UBE2F: variants seen among roughly 807,000 people sequenced by gnomAD.
UBE2F encodes ubiquitin conjugating enzyme E2 F (putative), also known as NEDD8-conjugating enzyme UBE2F.
UBE2F carries 5 observed loss-of-function variants against 29.6 expected under a neutral mutation model. That is an observed-to-expected ratio of 0.17 (90% CI 0.09 to 0.36). The LOEUF (loss-of-function observed/expected upper bound fraction) is 0.36. Ranked by LOEUF, UBE2F falls within the 10% of genes least tolerant of loss-of-function variation. The pLI is 1.00. For synonymous variants in UBE2F, 66 were observed against 81.8 expected, an observed-to-expected ratio of 0.81 and a Z score of 1.04; for missense variants, 141 against 228.5, an observed-to-expected ratio of 0.62 and a Z score of 2.47.
chr2:237,983,828 A>G (rs1334045215), intron 2 of UBE2F, among the ~76,000 whole-genome samples: 1 of 151,956 alleles, frequency 6.6e-6, no homozygotes, highest in African/African-American at 2.4e-5. Context: ...CTGAATCACC[A>G]CATCCCCGAT....
At chr2:237,970,801 G>A (rs1195771766) in intron 1 of UBE2F, among the ~76,000 whole-genome samples, 4 of 152,274 alleles carry the variant, frequency 2.6e-5, no homozygotes, top group East Asian at 3.9e-4. Context: ...TCCACCTCCC[G>A]GGTTCAACCT....
chr2:238,032,992 T>C (rs78955303), intron 8 of UBE2F, among the ~76,000 whole-genome samples: 5,282 of 152,232 alleles, frequency 0.035, 287 homozygotes, highest in East Asian at 0.2. Context: ...CTGGTTCCAC[T>C]TCCCTTAGCC....
intron 7 of UBE2F, 31 bp downstream of exon 7, chr2:238,030,644 G>T (rs746640221): frequency 6.3e-7 from 1 of 1,586,084 alleles, no homozygotes; most frequent in African/African-American, 1.3e-5. Context: ...TTGATCATAA[G>T]TTGTCCCTGT....
At chr2:238,017,891 A>G (rs1265135733) in intron 5 of UBE2F, among the ~76,000 whole-genome samples, 1 of 151,962 alleles carries the variant, frequency 6.6e-6, no homozygotes, top group Non-Finnish European at 1.5e-5. Context: ...TTGCCCCCCA[A>G]CCCCAGCCAC....
chr2:238,000,939 ATCT>A (rs974287448), intron 4 of UBE2F, among the ~76,000 whole-genome samples: 8 of 151,554 alleles, frequency 5.3e-5, no homozygotes, highest in Non-Finnish European at 1.2e-4. Context: ...CTACCTGTAT[ATCT>A]TCTTTGTTCA....
chr2:238,000,452 A>G (rs2063770531), intron 4 of UBE2F, among the ~76,000 whole-genome samples: 1 of 152,192 alleles, frequency 6.6e-6, no homozygotes, highest in South Asian at 2.1e-4. Context: ...TCTTTTACTT[A>G]ACGTAATGTT....
chr2:238,024,760 T>G (rs908453911), intron 5 of UBE2F, among the ~76,000 whole-genome samples: 4 of 152,232 alleles, frequency 2.6e-5, no homozygotes, highest in African/African-American at 9.6e-5. Flanking sequence ...ATATACTTTA[T>G]CCCCACAAAT....
intron 9 of UBE2F, among the ~76,000 whole-genome samples, chr2:238,038,351 T>A (rs1352347711): frequency 1.3e-5 from 2 of 152,182 alleles, no homozygotes; most frequent in African/African-American, 4.8e-5. Flanking sequence ...ATGGGGGCAA[T>A]CAGTCCCCGA....
intron 9 of UBE2F, 91 bp downstream of exon 9, chr2:238,036,031 C>A: frequency 1.7e-6 from 2 of 1,194,542 alleles, no homozygotes; most frequent in Non-Finnish European, 1.2e-6. Context: ...GAAATTTATC[C>A]ACCAAGAGAG....
intron 2 of UBE2F, 80 bp downstream of exon 2, chr2:237,973,305 C>A: frequency 6.9e-7 from 1 of 1,441,774 alleles, no homozygotes; most frequent in Non-Finnish European, 9.6e-7. Flanking sequence ...GGATATAAAG[C>A]AACCTACTGC....
At chr2:237,978,279 A>G (rs971251660) in intron 2 of UBE2F, among the ~76,000 whole-genome samples, 1 of 152,218 alleles carries the variant, frequency 6.6e-6, no homozygotes, top group Non-Finnish European at 1.5e-5. Flanking sequence ...GTGCTGCTGC[A>G]TCACAGCGCC....
intron 9 of UBE2F, among the ~76,000 whole-genome samples, chr2:238,039,288 C>T (rs2064788902): frequency 6.6e-6 from 1 of 152,146 alleles, no homozygotes; most frequent in Non-Finnish European, 1.5e-5. Flanking sequence ...TGAACAAACA[C>T]AGCATGTGAG....
chr2:237,993,911 C>T (rs1333785850), intron 3 of UBE2F, among the ~76,000 whole-genome samples: 13 of 152,118 alleles, frequency 8.5e-5, no homozygotes. Flanking sequence ...ACACTTTGTC[C>T]TGATTCAGGC....
chr2:238,041,350 G>T lies in UBE2F; in HGVS notation c.*12G>T. On this transcript the variant is annotated 3_prime_UTR_variant, in exon 10 of 10. Coordinates refer to ENST00000272930, the MANE Select transcript of UBE2F (RefSeq NM_080678.3). The stretch of plus-strand genomic sequence containing the variant: ...GTTATGCCAGATGATAAAAGGGGAC[G>T]ATTGCAGGCCCATGGACTGTGTTAC... 1.2e-6 allele frequency: 2 copies of T among 1,613,664 alleles called. No homozygotes were observed. Among genetic ancestry groups the T allele is most frequent in the Non-Finnish European group, 1.7e-6 (2 of 1,179,734 alleles).
At chr2:238,004,452 A>G (rs1472887876) in intron 4 of UBE2F, among the ~76,000 whole-genome samples, 1 of 151,976 alleles carries the variant, frequency 6.6e-6, no homozygotes, top group African/African-American at 2.4e-5. Context: ...TTTACCATAG[A>G]TACGTCTTTT....
chr2:238,014,753 G>A (rs1349821230), intron 4 of UBE2F, among the ~76,000 whole-genome samples: 2 of 152,224 alleles, frequency 1.3e-5, no homozygotes, highest in Non-Finnish European at 2.9e-5. Context: ...TTGTGCCACA[G>A]TGGTCAATAT....
intron 2 of UBE2F, among the ~76,000 whole-genome samples, chr2:237,980,201 GTGT>G (rs2063352696): frequency 6.6e-6 from 1 of 152,280 alleles, no homozygotes; most frequent in Admixed American, 6.5e-5. Context: ...GCTCTGCCTA[GTGT>G]TGTCTGATGG....
chr2:238,035,915 C>T lies in UBE2F; in HGVS notation c.482C>T (p.Ala161Val). Residue 161 changes from alanine to valine, a missense_variant, in exon 9 of 10, where the codon GCT (alanine) becomes GTT (valine). By Grantham distance (64) the Ala-to-Val change is moderately conservative. Transcript: ENST00000272930. ...LNFDDPLNIE[A>V]AEHHLRDKED... ...TTTGATGATCCACTGAATATTGAAG[C>T]TGCAGAACATCATTTGCGGGACAAG... is the stretch of plus-strand genomic sequence containing the variant. The T allele has an allele frequency of 6.2e-7, 1 of 1,613,284 alleles. No homozygotes were observed. The highest frequency in any genetic ancestry group is 2.2e-5 in the East Asian group (1 of 44,866).
At chr2:238,033,554 T>C (rs530443566) in intron 8 of UBE2F, among the ~76,000 whole-genome samples, 1 of 152,166 alleles carries the variant, frequency 6.6e-6, no homozygotes, top group Non-Finnish European at 1.5e-5. Context: ...AGGACTCAGT[T>C]AAACTAGGGG....
Sources: allele counts gnomAD v4.1 joint callset (sites outside exome capture counted in the v4.1 genomes callset), GRCh38; gene constraint gnomAD v4.1.1; transcripts MANE v1.5; gene names NCBI Gene and HGNC (gene_info 2026-07-23, HGNC 2026-07-21).